The following KAZN variants were observed in gnomAD, a reference collection of about 807,000 sequenced individuals.
The protein encoded by KAZN is kazrin, periplakin interacting protein.
A neutral mutation model predicts 87.4 loss-of-function variants in KAZN; 40 were observed. The ratio of observed to expected loss-of-function variants is 0.46; its 90% CI spans 0.36 to 0.60. The LOEUF (loss-of-function observed/expected upper bound fraction) is 0.60, where lower values mean the gene tolerates loss of function less well. Among genes scored for constraint, KAZN ranks in the 20% least tolerant of loss-of-function variants. The pLI is 0.00. For missense variants in KAZN, 898 were observed against 1,073.9 expected (o/e 0.84, Z 2.29); for synonymous variants, 466 against 458.3 (o/e 1.02, Z -0.22).
intron 1 of KAZN, among the ~76,000 whole-genome samples, chr1:14,027,351 T>G (rs183279320): frequency 1.2e-4 from 18 of 152,350 alleles, no homozygotes; most frequent in Admixed American, 8.5e-4. Flanking sequence ...GTGACATCCC[T>G]GTAGCTGATG....
intron 1 of KAZN, among the ~76,000 whole-genome samples, chr1:14,778,200 G>T (rs1645233352): frequency 6.6e-6 from 1 of 152,012 alleles, no homozygotes; most frequent in South Asian, 2.1e-4. Flanking sequence ...ATTAAAATTA[G>T]GCTGTCTCCA....
intron 1 of KAZN, among the ~76,000 whole-genome samples, chr1:14,880,609 C>G (rs1322421924): frequency 1.3e-5 from 2 of 152,126 alleles, no homozygotes; most frequent in African/African-American, 4.8e-5. Context: ...GAGGCTCCTG[C>G]TGGGCTGGAA....
chr1:14,680,443 T>C (rs778033510), intron 1 of KAZN, among the ~76,000 whole-genome samples: 2 of 152,190 alleles, frequency 1.3e-5, no homozygotes, highest in Non-Finnish European at 1.5e-5. Context: ...CTGCTTTCAC[T>C]CAGCAAAATA....
chr1:14,320,716 T>C (rs1655988332), intron 2 of KAZN, among the ~76,000 whole-genome samples: 1 of 152,202 alleles, frequency 6.6e-6, no homozygotes, highest in Non-Finnish European at 1.5e-5. Flanking sequence ...AGTGACTTTT[T>C]CTTAGAAAAA....
At chr1:14,685,270 A>G (rs1364764275) in intron 1 of KAZN, among the ~76,000 whole-genome samples, 3 of 152,198 alleles carry the variant, frequency 2.0e-5, no homozygotes, top group Non-Finnish European at 2.9e-5. Context: ...CATGCTTCAG[A>G]GCTACACAAC....
At chr1:14,698,196 T>C (rs1191684076) in intron 1 of KAZN, among the ~76,000 whole-genome samples, 5 of 152,184 alleles carry the variant, frequency 3.3e-5, no homozygotes, top group African/African-American at 4.8e-5. Context: ...TTAAAGGTTC[T>C]CCTCTGGCAC....
intron 2 of KAZN, among the ~76,000 whole-genome samples, chr1:14,329,543 T>TGGATG (rs1656696153): frequency 6.6e-6 from 1 of 152,158 alleles, no homozygotes; most frequent in South Asian, 2.1e-4. Context: ...GGTGTGCAAT[T>TGGATG]GGATGATCTG....
intron 1 of KAZN, among the ~76,000 whole-genome samples, chr1:14,130,992 A>G (rs1284138373): frequency 1.3e-5 from 2 of 152,192 alleles, no homozygotes; most frequent in Admixed American, 6.5e-5. Flanking sequence ...AAAAGGTTTA[A>G]TCGGCTCCTG....
At chr1:14,697,685 T>C (rs775563479) in intron 1 of KAZN, among the ~76,000 whole-genome samples, 28 of 152,242 alleles carry the variant, frequency 1.8e-4, no homozygotes, top group Non-Finnish European at 3.1e-4. Context: ...TGAAAGAGTA[T>C]TGGTTTAAAG....
At chr1:15,013,662 G>A (rs1227004599) in intron 2 of KAZN, among the ~76,000 whole-genome samples, 1 of 152,024 alleles carries the variant, frequency 6.6e-6, no homozygotes, top group Non-Finnish European at 1.5e-5. Context: ...GGCTGAGGCG[G>A]GAGAATCGCT....
At chr1:14,858,528 G>T (rs1247460191) in intron 1 of KAZN, among the ~76,000 whole-genome samples, 5 of 152,170 alleles carry the variant, frequency 3.3e-5, no homozygotes, top group African/African-American at 1.2e-4. Context: ...GCCACATTTC[G>T]TTTATCCATT....
intron 1 of KAZN, among the ~76,000 whole-genome samples, chr1:14,152,387 G>C (rs1244346029): frequency 6.6e-6 from 1 of 152,028 alleles, no homozygotes; most frequent in Non-Finnish European, 1.5e-5. Flanking sequence ...ACCTCCATGA[G>C]TTCAACTCTT....
intron 6 of KAZN, 198 bp downstream of exon 6, chr1:15,060,500 C>T (rs1039694233): frequency 4.2e-6 from 3 of 719,306 alleles, no homozygotes; most frequent in Non-Finnish European, 4.5e-6. Flanking sequence ...GGCCCGTTTG[C>T]TCCTTGTGTC....
chr1:14,722,170 A>T (rs1356856983), intron 1 of KAZN, among the ~76,000 whole-genome samples: 2 of 151,154 alleles, frequency 1.3e-5, no homozygotes, highest in Admixed American at 6.6e-5. Context: ...AAAGAATAAA[A>T]AATAAAAAAT....
intron 1 of KAZN, among the ~76,000 whole-genome samples, chr1:13,940,365 G>T (rs2100966090): frequency 6.6e-6 from 1 of 152,000 alleles, no homozygotes; most frequent in South Asian, 2.1e-4. Flanking sequence ...GTTCAATCTT[G>T]GGAGGTTGTA....
At chr1:14,365,729 T>C (rs1184735221) in intron 2 of KAZN, among the ~76,000 whole-genome samples, 1 of 152,182 alleles carries the variant, frequency 6.6e-6, no homozygotes, top group African/African-American at 2.4e-5. Context: ...CATTACCAAA[T>C]ATCCCTTGAG....
intron 1 of KAZN, among the ~76,000 whole-genome samples, chr1:14,105,974 A>C (rs1237111208): frequency 6.6e-6 from 1 of 152,242 alleles, no homozygotes; most frequent in Non-Finnish European, 1.5e-5. Flanking sequence ...CCTTGCAGCA[A>C]TCTGGTGGCT....
At chr1:14,627,095 A>G (rs1679200116) in intron 1 of KAZN, among the ~76,000 whole-genome samples, 1 of 152,034 alleles carries the variant, frequency 6.6e-6, no homozygotes, top group Admixed American at 6.6e-5. Flanking sequence ...AGGGGGAAAG[A>G]CACAGTAACC....
intron 1 of KAZN, among the ~76,000 whole-genome samples, chr1:14,747,550 G>A (rs1366656518): frequency 6.6e-6 from 1 of 152,210 alleles, no homozygotes; most frequent in East Asian, 1.9e-4. Context: ...AAAGTGCAGG[G>A]ATTATAGGCG....
Sources: gnomAD v4.1 joint callset for allele counts (sites outside exome capture counted in the v4.1 genomes callset) on GRCh38, gnomAD v4.1.1 for gene constraint, MANE v1.5 for transcripts, NCBI Gene and HGNC (gene_info 2026-07-23, HGNC 2026-07-21) for gene names.